Variants in GYG1 observed in about 807,000 individuals in gnomAD.
The protein encoded by GYG1 is glycogenin 1.
A neutral mutation model predicts 41.9 loss-of-function variants in GYG1; 44 were observed. The ratio of observed to expected loss-of-function variants is 1.05; its 90% confidence interval spans 0.83 to 1.35. The LOEUF is 1.35. Among genes scored for constraint, GYG1 ranks in the 40% most tolerant of loss-of-function variants. GYG1 has a pLI of 0.00. For synonymous variants in GYG1, 141 were observed against 158.1 expected (o/e 0.89, Z 0.81); for missense variants, 429 against 418.9 (o/e 1.02, Z -0.21).
rs10575910 is a variant in GYG1 at position 149,012,997 on chromosome 3, TTGTGTG to T, written c.608+3625_608+3630del. Among the ~76,000 whole-genome samples, 226 of 141,456 alleles carry T rather than the reference TTGTGTG, an allele frequency of 1.6e-3. 3 individuals carry two copies. The Middle Eastern group carries it at 0.031, about 20-fold the overall frequency. The allele number at this position is 141,456 out of a possible 152,430, so 92.8% of individuals were successfully genotyped here. A position where few individuals can be genotyped will look rare whatever the true frequency, so the allele number is the denominator to read the frequency against. On this transcript the variant is annotated intron_variant, in intron 5 of 7. Transcript: ENST00000345003. ...GCATGTGCCACTATGCTCAGTTAAT[TTGTGTG>T]TGTGTGTGTGTGTGTGTGTGTGTGT...
intron 5 of GYG1, among the ~76,000 whole-genome samples, chr3:149,020,600 T>C (rs1301473707): frequency 6.6e-6 from 1 of 152,240 alleles, no homozygotes; most frequent in Admixed American, 6.5e-5. Context: ...TACTTTATAT[T>C]CTTATTATGA....
intron 4 of GYG1, 101 bp downstream of exon 4, chr3:148,997,005 G>A (rs1712837063): frequency 1.1e-6 from 1 of 879,812 alleles, no homozygotes; most frequent in African/African-American, 1.7e-5. Flanking sequence ...CTGCCTGGAA[G>A]ATATAAGAGA....
chr3:148,998,683 T>G (rs1205000417), intron 4 of GYG1, among the ~76,000 whole-genome samples: 2 of 152,246 alleles, frequency 1.3e-5, no homozygotes, highest in African/African-American at 2.4e-5. Flanking sequence ...TGACATGTTT[T>G]TAGCTCCTGC....
At chr3:149,012,921 G>T (rs1367544628) in intron 5 of GYG1, among the ~76,000 whole-genome samples, 11 of 151,882 alleles carry the variant, frequency 7.2e-5, no homozygotes, top group African/African-American at 2.7e-4. Flanking sequence ...ACCTCCTGAG[G>T]CTCAAGTGAT....
At chr3:148,996,072 A>G (rs776697091) in intron 2 of GYG1, among the ~76,000 whole-genome samples, 5 of 152,252 alleles carry the variant, frequency 3.3e-5, no homozygotes, top group Admixed American at 1.3e-4. Context: ...TGAGCATTTC[A>G]TCCTCACCAT....
intron 5 of GYG1, among the ~76,000 whole-genome samples, chr3:149,023,592 C>T (rs889798543): frequency 3.3e-5 from 5 of 152,050 alleles, no homozygotes; most frequent in African/African-American, 4.8e-5. Context: ...TGCACTGAAC[C>T]GATGCTACAT....
intron 5 of GYG1, among the ~76,000 whole-genome samples, chr3:149,021,653 A>G (rs1394736993): frequency 1.3e-5 from 2 of 152,152 alleles, no homozygotes; most frequent in East Asian, 1.9e-4. Context: ...CAATTATCAC[A>G]TTAGTAAAAT....
chr3:149,003,244 T>C (rs1713201322), intron 4 of GYG1, among the ~76,000 whole-genome samples: 1 of 151,688 alleles, frequency 6.6e-6, no homozygotes, highest in Non-Finnish European at 1.5e-5. Flanking sequence ...GCCTCCTGAG[T>C]AGCTGGGATT....
In GYG1 at chr3:149,026,522, T is replaced by G. The variant is rs1232625693; in HGVS notation, c.879+20T>G. On this transcript the variant is annotated intron_variant, in intron 7 of 7. Transcript: ENST00000345003. Reference sequence around the variant, plus strand: ...AGAAAGGTATGCAGAACTTAAAGATTAACCCTAATTACTTTGTTCTCCCAA... The same window carrying G: ...AGAAAGGTATGCAGAACTTAAAGATGAACCCTAATTACTTTGTTCTCCCAA... 2 of 1,505,004 alleles carry G rather than the reference T, an allele frequency of 1.3e-6. No homozygotes were observed. The highest frequency in any genetic ancestry group is 1.1e-5 in the South Asian group (1 of 88,918). 93.2% of individuals were successfully genotyped at this position (1,505,004 alleles called of 1,614,324 possible).
At chr3:149,026,314 T>A in intron 6 of GYG1, 138 bp from the exon 7 acceptor site, 1 of 749,016 alleles carries the variant, frequency 1.3e-6, no homozygotes. Context: ...CTAGTTAGAT[T>A]CTTTCTGAAA....
intron 2 of GYG1, 32 bp from the exon 3 acceptor site, chr3:148,996,270 T>C (rs1233944321): frequency 1.3e-6 from 2 of 1,524,308 alleles, no homozygotes; most frequent in Non-Finnish European, 1.8e-6. Flanking sequence ...GAAAAGATGC[T>C]AAGTGTGGTA....
chr3:149,012,848 G>A (rs562565001), intron 5 of GYG1, among the ~76,000 whole-genome samples: 19 of 151,946 alleles, frequency 1.3e-4, no homozygotes, highest in Admixed American at 7.2e-4. Flanking sequence ...TTTTTGAGAC[G>A]GAATCTTGCT....
intron 4 of GYG1, among the ~76,000 whole-genome samples, chr3:149,005,053 A>G (rs981185140): frequency 2.4e-4 from 36 of 152,180 alleles, no homozygotes; most frequent in African/African-American, 8.2e-4. Flanking sequence ...TTACTGCATT[A>G]TGGGTAGCTG....
At chr3:149,010,156 A>G (rs2107903953) in intron 5 of GYG1, among the ~76,000 whole-genome samples, 1 of 152,296 alleles carries the variant, frequency 6.6e-6, no homozygotes, top group Admixed American at 6.5e-5. Flanking sequence ...CTGCTACATG[A>G]CTTAAGACTT....
Position 148,994,288 on chromosome 3 carries a change from C to G in GYG1, c.143+11C>G. On this transcript the variant is annotated intron_variant, in intron 2 of 7. Transcript: ENST00000345003. ...CTCAGACTCCATGAGGTGAGGACCT[C>G]GCTGCCACCCCAGCATCCAAGGGGC... 5.0e-6 allele frequency: 8 copies of G among 1,613,720 alleles called. No homozygotes were observed. The highest frequency in any genetic ancestry group is 6.8e-6 in the Non-Finnish European group (8 of 1,179,664).
intron 5 of GYG1, among the ~76,000 whole-genome samples, chr3:149,012,711 A>ATT (rs368422873): frequency 6.7e-6 from 1 of 150,134 alleles, no homozygotes. Flanking sequence ...CAGAATTAGT[A>ATT]TTTTTTTTTT....
chr3:149,021,537 G>A (rs1386356990), intron 5 of GYG1, among the ~76,000 whole-genome samples: 2 of 152,110 alleles, frequency 1.3e-5, no homozygotes, highest in Admixed American at 1.3e-4. Context: ...GCAGCAGCAT[G>A]GTAGGATGGT....
Position 149,030,047 on chromosome 3 carries a change from CACTT to C in GYG1, c.*3115_*3118del, listed in dbSNP as rs1391132314. 6.6e-6 allele frequency: 1 copy of C among 152,080 alleles called. No homozygotes were observed. Among genetic ancestry groups the C allele is most frequent in the African/African-American group, 2.4e-5 (1 of 41,430 alleles). 9.4% of individuals were successfully genotyped at this position (152,080 alleles called of 1,614,324 possible). On this transcript the variant is annotated 3_prime_UTR_variant, in exon 8 of 8. Transcript: ENST00000345003. ...TTCATGTACTCTCAAAAAAATGTAA[CACTT>C]GCATAGAAATGTCACAATTAATGAA...
At position 149,009,273 on chromosome 3, in the gene GYG1, T is replaced by C; in HGVS notation, c.482-3T>C. 11 of 1,609,844 alleles carry C rather than the reference T, an allele frequency of 6.8e-6. No homozygotes were observed. The highest frequency in any genetic ancestry group is 9.4e-6 in the Non-Finnish European group (11 of 1,176,132). On this transcript the variant is annotated splice_region_variant and splice_polypyrimidine_tract_variant and intron_variant, in intron 4 of 7. Coordinates refer to ENST00000345003, the MANE Select transcript of GYG1 (RefSeq NM_004130.4). ...AACTAATTTATATATTTTTTTCTTTTAGGTGGGGACCAAGGCATACTGAAC... is the reference window on the plus strand; with the variant it reads ...AACTAATTTATATATTTTTTTCTTTCAGGTGGGGACCAAGGCATACTGAAC...
Sources: allele counts gnomAD v4.1 joint callset (sites outside exome capture counted in the v4.1 genomes callset), GRCh38; gene constraint gnomAD v4.1.1; transcripts MANE v1.5; gene names NCBI Gene and HGNC (gene_info 2026-07-23, HGNC 2026-07-21).